Variants in EP300 observed in about 807,000 individuals in gnomAD.
EP300 encodes the protein EP300 lysine acetyltransferase.
A neutral mutation model predicts 264.0 loss-of-function variants in EP300; 31 were observed. The observed-to-expected ratio is 0.12, with a 90% CI of 0.09 to 0.16. EP300 has a LOEUF of 0.16. EP300 is among the 10% of genes least tolerant of loss of function. The pLI, the probability that EP300 is intolerant of heterozygous loss-of-function variation, is 1.00. For missense variants in EP300, 2,766 were observed against 3,052.9 expected (o/e 0.91, Z 2.21); for synonymous variants, 1,340 against 1,045.4 (o/e 1.28, Z -5.44).
chr22:41,171,890 G>A (rs1291335276), intron 27 of EP300, among the ~76,000 whole-genome samples: 2 of 152,106 alleles, frequency 1.3e-5, no homozygotes, highest in African/African-American at 4.8e-5. Flanking sequence ...TGGGATTACA[G>A]GTGTGAGTCA....
Position 41,138,647 on chromosome 22 carries a change from GGTAATGAAATGT to G in EP300, c.1760+859_1760+870del, listed in dbSNP as rs2058965557. 3.3e-5 allele frequency among the ~76,000 whole-genome samples: 5 copies of G among 152,264 alleles called. 1 individual carries two copies. In the South Asian group the frequency reaches 1.0e-3, roughly 32 times the overall value. On this transcript the variant is annotated intron_variant, in intron 8 of 30. Coordinates refer to ENST00000263253, the MANE Select transcript of EP300 (RefSeq NM_001429.4). ...AAGGAGGGGGAGGCATATAGAGCAAGGTAATGAAATGTGCTCAGCATCATAAAAAGGTAGAGC... is the reference window on the plus strand; with the variant it reads ...AAGGAGGGGGAGGCATATAGAGCAAGGCTCAGCATCATAAAAAGGTAGAGC...
intron 4 of EP300, among the ~76,000 whole-genome samples, chr22:41,129,258 G>T (rs945428769): frequency 2.6e-5 from 4 of 151,992 alleles, no homozygotes; most frequent in Admixed American, 2.6e-4. Context: ...TGATCCGCCC[G>T]CCTCGGCCTC....
intron 2 of EP300, among the ~76,000 whole-genome samples, chr22:41,124,069 G>A (rs978217524): frequency 9.6e-4 from 146 of 152,142 alleles, no homozygotes; most frequent in African/African-American, 3.4e-3. Context: ...CCAACATGGC[G>A]AAACCCCGTC....
At chr22:41,112,544 G>A (rs1488496176) in intron 1 of EP300, among the ~76,000 whole-genome samples, 1 of 152,130 alleles carries the variant, frequency 6.6e-6, no homozygotes, top group Non-Finnish European at 1.5e-5. Flanking sequence ...TATGGCGAAT[G>A]ACAGTTTATA....
At chr22:41,131,052 G>A (rs980475262) in intron 5 of EP300, among the ~76,000 whole-genome samples, 123 of 152,252 alleles carry the variant, frequency 8.1e-4, no homozygotes, top group African/African-American at 2.8e-3. Flanking sequence ...ATAAGGTATC[G>A]TTTCTCTCCT....
intron 24 of EP300, 56 bp downstream of exon 24, chr22:41,168,655 G>T (rs2145763087): frequency 6.2e-7 from 1 of 1,614,142 alleles, no homozygotes; most frequent in Non-Finnish European, 8.5e-7. Flanking sequence ...CTCATACATG[G>T]TTACTATTGG....
In EP300 at chr22:41,148,899, C is replaced by G. The variant is rs1260620968; in HGVS notation, c.2242-139C>G. 2.8e-6 allele frequency: 3 copies of G among 1,081,066 alleles called. No homozygotes were observed. The African/African-American group carries it at 4.8e-5, about 17-fold the overall frequency. 67.0% of individuals were successfully genotyped at this position (1,081,066 alleles called of 1,614,324 possible). ...CTACAACTTTCTTCCTTCTCCTCTT[C>G]AGCCCTCTTCACCTATACTCCTGTC... On this transcript the variant is annotated intron_variant, in intron 12 of 30. Transcript: ENST00000263253.
chr22:41,168,025 T>C (rs1287426021), intron 23 of EP300, among the ~76,000 whole-genome samples: 1 of 151,198 alleles, frequency 6.6e-6, no homozygotes, highest in Non-Finnish European at 1.5e-5. Flanking sequence ...TTTCAGCATG[T>C]TGGCCAGGCT....
rs191758012 is a variant in EP300 at position 41,178,566 on chromosome 22, C to T, written c.6855C>T (p.Leu2285=). ...CCATGAGCCCCCAGCAGCATATGCT[C>T]CCAAATCAGGCCCAGTCCCCACACC... The part of the protein sequence containing the change: ...PNPMSPQQHM[L]PNQAQSPHLQ... Residue 2285 remains leucine (L), a synonymous_variant, in exon 31 of 31, where the codon CTC becomes CTT. Coordinates refer to ENST00000263253, the MANE Select transcript of EP300 (RefSeq NM_001429.4). 2 of 1,614,116 alleles carry T rather than the reference C, an allele frequency of 1.2e-6. No homozygotes were observed. The highest frequency in any genetic ancestry group is 1.7e-6 in the Non-Finnish European group (2 of 1,180,022).
chr22:41,178,920 T>C lies in EP300; in HGVS notation c.7209T>C (p.Asn2403=), dbSNP rs751362898. 1 of 1,614,212 alleles carries C rather than the reference T, an allele frequency of 6.2e-7. No individual in the cohort carries two copies. Among genetic ancestry groups the C allele is most frequent in the Non-Finnish European group, 8.5e-7 (1 of 1,180,038 alleles). ...TCAGCACCGATAACTCAGACTTGAA[T>C]TCAAACCTCTCACAGAGTACACTAG... ...LGLSTDNSDL[N]SNLSQSTLDI... is the part of the protein sequence containing the mutation. The change falls in exon 31 of 31, where the codon AAT becomes AAC. Residue 2403 remains asparagine, a synonymous_variant. Coordinates refer to ENST00000263253, the MANE Select transcript of EP300 (RefSeq NM_001429.4).
rs1192332279 is a variant in EP300 at position 41,167,826 on chromosome 22, G to GTTTTTTTT, written c.3875-605_3875-598dup. On this transcript the variant is annotated intron_variant, in intron 23 of 30. Transcript: ENST00000263253. Reference sequence around the variant, plus strand: ...TCTGTTTGTTTTTGTTTTTTTTTTTGTTTTTTTTTTTTTTTTTTTTTTTTT... The same window carrying GTTTTTTTT: ...TCTGTTTGTTTTTGTTTTTTTTTTTGTTTTTTTTTTTTTTTTTTTTTTTTTTTTTTTTT... Among the ~76,000 whole-genome samples the GTTTTTTTT allele has an allele frequency of 2.2e-3, 72 of 32,144 alleles. 1 individual carries two copies. The highest frequency in any genetic ancestry group is 8.0e-3 in the East Asian group (5 of 626). 21.1% of individuals were successfully genotyped at this position (32,144 alleles called of 152,430 possible).
intron 28 of EP300, among the ~76,000 whole-genome samples, chr22:41,173,297 C>A (rs530703883): frequency 1.3e-5 from 2 of 152,206 alleles, no homozygotes; most frequent in Admixed American, 6.5e-5. Context: ...CACTTTGATA[C>A]ACTCTTCACT....
intron 6 of EP300, among the ~76,000 whole-genome samples, chr22:41,132,347 G>T (rs1307440256): frequency 1.5e-5 from 2 of 131,880 alleles, no homozygotes; most frequent in Non-Finnish European, 3.1e-5. Flanking sequence ...GAATGCAGTG[G>T]CACGATCTCG....
chr22:41,135,237 C>G (rs1450747101), intron 6 of EP300, among the ~76,000 whole-genome samples: 1 of 152,174 alleles, frequency 6.6e-6, no homozygotes, highest in Non-Finnish European at 1.5e-5. Context: ...ATGCACTTAC[C>G]TTTTTCCTTA....
intron 2 of EP300, among the ~76,000 whole-genome samples, chr22:41,124,116 C>T (rs186205081): frequency 2.1e-4 from 32 of 152,302 alleles, no homozygotes; most frequent in East Asian, 3.9e-4. Context: ...AGTATGGCGG[C>T]GCACGCCTGT....
chr22:41,140,985 C>T (rs2058978947), intron 9 of EP300, 63 bp from the exon 10 acceptor site: 1 of 1,474,612 alleles, frequency 6.8e-7, no homozygotes. Context: ...TTTATTTTTT[C>T]TGTTACCTGG....
chr22:41,177,479 C>G lies in EP300; in HGVS notation c.5768C>G (p.Pro1923Arg). 5 of 1,614,226 alleles carry G rather than the reference C, an allele frequency of 3.1e-6. No homozygotes were observed. The highest frequency in any genetic ancestry group is 4.2e-6 in the Non-Finnish European group (5 of 1,180,042). ...TAQPPLPGPP[P>R]AAVEMAMQIQ... ...CAGCCACCCCTTCCAGGGCCCCCAC[C>G]TGCAGCAGTGGAAATGGCAATGCAG... Residue 1923 changes from proline (P) to arginine (R), a missense_variant, in exon 31 of 31, where the codon CCT (proline) becomes CGT (arginine). Pro to Arg is a moderately radical substitution (Grantham distance 103, BLOSUM62 -2). Transcript: ENST00000263253.
At position 41,176,562 on chromosome 22, in the gene EP300, C is replaced by G. The variant is rs77540024; in HGVS notation, c.5061+34C>G. 4.8e-4 allele frequency: 778 copies of G among 1,612,788 alleles called. 4 individuals carry two copies. In the African/African-American group the frequency reaches 9.3e-3, roughly 19 times the overall value. The stretch of plus-strand genomic sequence containing the variant: ...CGGGTTGTGGGAAGGAGGAGGTGAG[C>G]TCCGCAGGGTTGTTCTGAGGGGCCA... On this transcript the variant is annotated intron_variant, in intron 30 of 30. Transcript: ENST00000263253.
intron 6 of EP300, among the ~76,000 whole-genome samples, chr22:41,134,010 G>C (rs901709120): frequency 1.3e-5 from 2 of 152,166 alleles, no homozygotes; most frequent in Non-Finnish European, 2.9e-5. Flanking sequence ...ATTCAAGTTT[G>C]TAAGTCAGAT....
Sources: gnomAD v4.1 joint callset for allele counts (sites outside exome capture counted in the v4.1 genomes callset) on GRCh38, gnomAD v4.1.1 for gene constraint, MANE v1.5 for transcripts, NCBI Gene and HGNC (gene_info 2026-07-23, HGNC 2026-07-21) for gene names.